The following CCDC93 variants were observed in gnomAD, a reference collection of about 807,000 sequenced individuals.
The protein encoded by CCDC93 is CCC complex scaffolding subunit CCDC93, also known as coiled-coil domain-containing protein 93.
A neutral mutation model predicts 108.2 loss-of-function variants in CCDC93; 61 were observed. That is an observed-to-expected ratio of 0.56 (90% CI 0.46 to 0.70). The LOEUF (loss-of-function observed/expected upper bound fraction) is 0.70. Ranked by LOEUF, CCDC93 falls within the 30% of genes least tolerant of loss-of-function variation. The pLI is 0.00. For synonymous variants in CCDC93, 276 were observed against 260.4 expected (o/e 1.06, Z -0.58); for missense variants, 685 against 764.2 (o/e 0.90, Z 1.22).
Position 117,942,602 on chromosome 2 carries a change from A to G in CCDC93, c.1414-1305T>C, listed in dbSNP as rs138192199. 7.3e-3 allele frequency among the ~76,000 whole-genome samples: 1,114 copies of G among 152,278 alleles called. 7 individuals carry two copies. The highest frequency in any genetic ancestry group is 0.013 in the Non-Finnish European group (859 of 68,024). ...CTGAGCTCTCTGCTCGGCTCCCACA[A>G]GCCTCATGCACTTGTTTTCCCTTCT... On this transcript the variant is annotated intron_variant, in intron 18 of 23. Transcript: ENST00000376300.
At chr2:117,967,946 A>G (rs1053717972) in intron 11 of CCDC93, among the ~76,000 whole-genome samples, 1 of 152,194 alleles carries the variant, frequency 6.6e-6, no homozygotes, top group African/African-American at 2.4e-5. Flanking sequence ...ATTAAAAAAT[A>G]AGAACTAAAT....
At chr2:117,941,120 T>A in intron 19 of CCDC93, 69 bp downstream of exon 19, 1 of 1,107,526 alleles carries the variant, frequency 9.0e-7, no homozygotes, top group Non-Finnish European at 1.4e-6. Flanking sequence ...TCCCCCATGC[T>A]AAAGTGGAAC....
chr2:117,982,743 G>T (rs1680185291), intron 7 of CCDC93, among the ~76,000 whole-genome samples: 1 of 79,338 alleles, frequency 1.3e-5, no homozygotes, highest in South Asian at 6.9e-4. Context: ...AAGCTGTGAT[G>T]CCATAGTGTA....
intron 13 of CCDC93, chr2:117,951,494 A>C: frequency 3.0e-6 from 3 of 990,046 alleles, no homozygotes; most frequent in Non-Finnish European, 3.6e-6. Context: ...ACAGAGTAAG[A>C]ATTTTAAATT....
At chr2:117,971,339 G>C (rs1032464189) in intron 11 of CCDC93, among the ~76,000 whole-genome samples, 9 of 152,106 alleles carry the variant, frequency 5.9e-5, no homozygotes, top group Non-Finnish European at 1.0e-4. Flanking sequence ...CTCTTTGCCT[G>C]GGCAACAGAG....
At chr2:117,966,676 A>C (rs1486512174) in intron 11 of CCDC93, among the ~76,000 whole-genome samples, 2 of 152,190 alleles carry the variant, frequency 1.3e-5, no homozygotes, top group Non-Finnish European at 2.9e-5. Context: ...TCTAGAAGAG[A>C]CACTTTCCTT....
At position 117,985,151 on chromosome 2, in the gene CCDC93, A is replaced by G. The variant is rs543495499; in HGVS notation, c.620+818T>C. On this transcript the variant is annotated intron_variant, in intron 7 of 23. Transcript: ENST00000376300. ...GAAGAAAAAACAAAACAAAACAAAA[A>G]AAAAAAAACATAAGCAATTGCATGC... Among the ~76,000 whole-genome samples the G allele has an allele frequency of 2.0e-5, 3 of 149,372 alleles. No individual in the cohort carries two copies. The East Asian group carries it at 5.8e-4, about 29-fold the overall frequency.
At chr2:117,952,934 C>T (rs1270823814) in intron 12 of CCDC93, among the ~76,000 whole-genome samples, 3 of 152,204 alleles carry the variant, frequency 2.0e-5, no homozygotes, top group Non-Finnish European at 4.4e-5. Context: ...GGATTCAGGA[C>T]TTCAACACCA....
chr2:117,974,986 A>G (rs1381868117), intron 9 of CCDC93, 86 bp from the exon 10 acceptor site: 4 of 1,216,990 alleles, frequency 3.3e-6, no homozygotes, highest in Non-Finnish European at 4.8e-6. Flanking sequence ...CTTTGCGGTG[A>G]TATCCAAGGG....
intron 12 of CCDC93, among the ~76,000 whole-genome samples, chr2:117,958,029 A>G (rs962303303): frequency 5.9e-5 from 9 of 152,198 alleles, no homozygotes; most frequent in South Asian, 4.1e-4. Flanking sequence ...CTCGGTAGAT[A>G]TTTGTTAACT....
At chr2:118,002,383 A>G (rs1293736230) in intron 3 of CCDC93, among the ~76,000 whole-genome samples, 1 of 152,196 alleles carries the variant, frequency 6.6e-6, no homozygotes, top group African/African-American at 2.4e-5. Context: ...CAGTCTTAGT[A>G]TTAACAGTAA....
At chr2:117,974,969 C>T (rs370068183) in intron 9 of CCDC93, 69 bp from the exon 10 acceptor site, 5 of 1,331,292 alleles carry the variant, frequency 3.8e-6, no homozygotes, top group Non-Finnish European at 5.3e-6. Context: ...AATATGCCTA[C>T]ATGGATCTTT....
At chr2:117,968,499 G>T (rs1211314693) in intron 11 of CCDC93, among the ~76,000 whole-genome samples, 6 of 152,184 alleles carry the variant, frequency 3.9e-5, no homozygotes, top group African/African-American at 1.4e-4. Flanking sequence ...GGACACTCAT[G>T]AATTATGTAT....
At chr2:117,920,418 T>C (rs375077832) in intron 23 of CCDC93, 22 bp from the exon 24 acceptor site, 3 of 1,592,610 alleles carry the variant, frequency 1.9e-6, no homozygotes, top group South Asian at 2.2e-5. Flanking sequence ...GCAGAGAGTA[T>C]AGAGAGAGTG....
At chr2:117,950,568 G>T (rs1679019503) in intron 13 of CCDC93, 30 of 985,252 alleles carry the variant, frequency 3.0e-5, no homozygotes, top group South Asian at 4.7e-5. Context: ...AGTGCCACTA[G>T]GTTATCCTGG....
intron 11 of CCDC93, among the ~76,000 whole-genome samples, chr2:117,973,263 C>A (rs1487888031): frequency 2.0e-5 from 3 of 152,020 alleles, no homozygotes; most frequent in African/African-American, 4.8e-5. Flanking sequence ...TTTAGGGGGA[C>A]AGGGCTGGGG....
At chr2:118,008,353 CG>C (rs1558808037) in intron 2 of CCDC93, among the ~76,000 whole-genome samples, 191 bp downstream of exon 2, 1 of 152,198 alleles carries the variant, frequency 6.6e-6, no homozygotes, top group Non-Finnish European at 1.5e-5. Context: ...AAGGAACTGA[CG>C]TATTCACTGA....
intron 13 of CCDC93, chr2:117,949,924 T>C: frequency 1.0e-6 from 1 of 985,398 alleles, no homozygotes; most frequent in South Asian, 4.7e-5. Context: ...GAAGGACTGG[T>C]GTGCAGTGTT....
chr2:117,928,165 A>C (rs1461164485), intron 23 of CCDC93, among the ~76,000 whole-genome samples: 1 of 152,244 alleles, frequency 6.6e-6, no homozygotes, highest in Admixed American at 6.5e-5. Context: ...ACCCTAGAAG[A>C]AAACCTAGGC....
Sources: gnomAD v4.1 joint callset for allele counts (sites outside exome capture counted in the v4.1 genomes callset) on GRCh38, gnomAD v4.1.1 for gene constraint, MANE v1.5 for transcripts, NCBI Gene and HGNC (gene_info 2026-07-23, HGNC 2026-07-21) for gene names.